NR3C2: variants seen among roughly 807,000 people sequenced by gnomAD.
NR3C2 encodes the protein nuclear receptor subfamily 3 group C member 2.
In NR3C2, 15 loss-of-function variants were observed where a neutral mutation model predicts 86.4. That is an observed-to-expected ratio of 0.17 (90% CI 0.12 to 0.27). NR3C2 has a LOEUF of 0.27. Ranked by LOEUF, NR3C2 falls within the 10% of genes least tolerant of loss-of-function variation. The pLI, the probability that NR3C2 is intolerant of heterozygous loss-of-function variation, is 1.00. For missense variants in NR3C2, 960 were observed against 1,195.6 expected (o/e 0.80, Z 2.91); for synonymous variants, 458 against 450.5 (o/e 1.02, Z -0.21).
At chr4:148,443,637 C>T (rs1389629817), upstream of NR3C2, among the ~76,000 whole-genome samples, 2 of 152,190 alleles carry the variant, frequency 1.3e-5, no homozygotes, top group Admixed American at 1.3e-4. Context: ...TGTAAGGCCC[C>T]GTTTTAGGCT....
intron 6 of NR3C2, among the ~76,000 whole-genome samples, chr4:148,128,664 C>T (rs1732864778): frequency 6.6e-6 from 1 of 151,838 alleles, no homozygotes; most frequent in Non-Finnish European, 1.5e-5. Context: ...CTGAGGTTGC[C>T]TTGATCTTGT....
At chr4:148,201,941 T>C (rs1736744750) in intron 3 of NR3C2, among the ~76,000 whole-genome samples, 1 of 152,130 alleles carries the variant, frequency 6.6e-6, no homozygotes, top group Non-Finnish European at 1.5e-5. Flanking sequence ...ATATGAGATA[T>C]GAAAAGAACC....
chr4:148,424,861 C>T (rs1749452671), intron 2 of NR3C2, among the ~76,000 whole-genome samples: 1 of 152,122 alleles, frequency 6.6e-6, no homozygotes, highest in Non-Finnish European at 1.5e-5. Context: ...ACACATTTCA[C>T]AAAACATGTA....
intron 2 of NR3C2, among the ~76,000 whole-genome samples, chr4:148,336,568 C>A (rs568231224): frequency 9.9e-5 from 15 of 152,176 alleles, no homozygotes; most frequent in African/African-American, 2.9e-4. Flanking sequence ...TATGTTAAGA[C>A]CCTCATATAC....
At chr4:148,298,370 T>G (rs1006072672) in intron 2 of NR3C2, among the ~76,000 whole-genome samples, 1 of 152,180 alleles carries the variant, frequency 6.6e-6, no homozygotes, top group Non-Finnish European at 1.5e-5. Context: ...TGAACAGTGA[T>G]GGCTGCCGGA....
intron 2 of NR3C2, among the ~76,000 whole-genome samples, chr4:148,379,542 T>C (rs1390165465): frequency 1.3e-5 from 2 of 152,184 alleles, no homozygotes; most frequent in Non-Finnish European, 2.9e-5. Context: ...TTTCCTAAGC[T>C]GAATTTCCAA....
intron 6 of NR3C2, among the ~76,000 whole-genome samples, chr4:148,141,436 T>C (rs61152432): frequency 0.17 from 19,727 of 118,172 alleles, 1,421 homozygotes; most frequent in Middle Eastern, 0.22. Context: ...TCTCTCTCTC[T>C]CCCTCTCTCT....
chr4:148,258,437 G>A (rs1739931704), intron 3 of NR3C2, among the ~76,000 whole-genome samples: 2 of 152,090 alleles, frequency 1.3e-5, no homozygotes, highest in South Asian at 4.1e-4. Context: ...TGGCCTTCTG[G>A]TAACAGAACC....
At chr4:148,199,623 T>C (rs897163793) in intron 3 of NR3C2, among the ~76,000 whole-genome samples, 1 of 152,128 alleles carries the variant, frequency 6.6e-6, no homozygotes, top group Non-Finnish European at 1.5e-5. Context: ...CAGAGGTAAC[T>C]GATATTTACA....
chr4:148,300,589 T>TC lies in NR3C2; in HGVS notation c.1758-40473_1758-40472insG, dbSNP rs1491507577. On this transcript the variant is annotated intron_variant, in intron 2 of 8. Coordinates refer to ENST00000358102, the MANE Select transcript of NR3C2 (RefSeq NM_000901.5). Reference sequence around the variant, plus strand: ...TTTCTCCATTTTGCCTTGCTACTCATTTTTTTTTTTTTTTTTTGACAGAGT... The same window carrying TC: ...TTTCTCCATTTTGCCTTGCTACTCATCTTTTTTTTTTTTTTTTTGACAGAGT... Among the ~76,000 whole-genome samples the TC allele has an allele frequency of 4.9e-3, 7 of 1,424 alleles. No homozygotes were observed. In the Admixed American group the frequency reaches 0.093, roughly 19 times the overall value. 0.9% of individuals were successfully genotyped at this position (1,424 alleles called of 152,430 possible).
At chr4:148,276,790 T>A (rs994876389) in intron 2 of NR3C2, among the ~76,000 whole-genome samples, 2 of 152,164 alleles carry the variant, frequency 1.3e-5, no homozygotes, top group Admixed American at 1.3e-4. Context: ...TTCCAAAGTA[T>A]AAGGGGAGAC....
intron 8 of NR3C2, among the ~76,000 whole-genome samples, chr4:148,095,773 C>T (rs555015125): frequency 2.0e-5 from 3 of 152,050 alleles, no homozygotes; most frequent in African/African-American, 7.2e-5. Flanking sequence ...CAGTGCCTGC[C>T]CAGGAATGGG....
At chr4:148,114,773 G>A (rs576995822) in intron 7 of NR3C2, among the ~76,000 whole-genome samples, 2 of 152,298 alleles carry the variant, frequency 1.3e-5, no homozygotes, top group Admixed American at 1.3e-4. Flanking sequence ...AAGAGCCATA[G>A]ACAATCTAGG....
intron 3 of NR3C2, among the ~76,000 whole-genome samples, chr4:148,213,075 T>C (rs1174269448): frequency 6.6e-6 from 1 of 151,438 alleles, no homozygotes. Context: ...ATCTTTCATC[T>C]GAACCTTAAA....
intron 2 of NR3C2, among the ~76,000 whole-genome samples, chr4:148,395,806 T>C (rs1747829535): frequency 6.6e-6 from 1 of 152,200 alleles, no homozygotes; most frequent in African/African-American, 2.4e-5. Context: ...ACACTAAATA[T>C]ATCAGCTGAT....
chr4:148,284,529 A>G (rs181861565), intron 2 of NR3C2, among the ~76,000 whole-genome samples: 1 of 152,288 alleles, frequency 6.6e-6, no homozygotes, highest in East Asian at 1.9e-4. Flanking sequence ...TCTTTTTTTA[A>G]AACACATCAG....
At chr4:148,302,846 CAAAAA>C (rs35574035) in intron 2 of NR3C2, among the ~76,000 whole-genome samples, 1 of 88,536 alleles carries the variant, frequency 1.1e-5, no homozygotes. Context: ...AACTCCGTCT[CAAAAA>C]AAAAAAAAAA....
chr4:148,350,552 T>C (rs1235708363), intron 2 of NR3C2, among the ~76,000 whole-genome samples: 2 of 152,184 alleles, frequency 1.3e-5, no homozygotes, highest in Non-Finnish European at 2.9e-5. Context: ...GGTCATGATA[T>C]TTTTTCAGAC....
chr4:148,330,395 G>A (rs1401990140), intron 2 of NR3C2, among the ~76,000 whole-genome samples: 1 of 151,994 alleles, frequency 6.6e-6, no homozygotes, highest in Non-Finnish European at 1.5e-5. Context: ...CTATTTTATC[G>A]ATTTATAGCC....
Sources: gnomAD v4.1 joint callset for allele counts (sites outside exome capture counted in the v4.1 genomes callset) on GRCh38, gnomAD v4.1.1 for gene constraint, MANE v1.5 for transcripts, NCBI Gene and HGNC (gene_info 2026-07-23, HGNC 2026-07-21) for gene names.